The following HIVEP3 variants were observed in gnomAD, a reference collection of about 807,000 sequenced individuals.
The protein encoded by HIVEP3 is transcription factor HIVEP3.
A neutral mutation model predicts 152.8 loss-of-function variants in HIVEP3; 49 were observed. The observed-to-expected ratio is 0.32, with a 90% CI of 0.26 to 0.41. HIVEP3 has a LOEUF of 0.41. HIVEP3 is among the 10% of genes least tolerant of loss of function. The pLI, the probability that HIVEP3 is intolerant of heterozygous loss-of-function variation, is 1.00. For missense variants in HIVEP3, 2,790 were observed against 3,103.3 expected, an observed-to-expected ratio of 0.90 and a Z score of 2.40; for synonymous variants, 1,269 against 1,289.0, an observed-to-expected ratio of 0.98 and a Z score of 0.33.
intron 2 of HIVEP3, among the ~76,000 whole-genome samples, chr1:41,672,514 C>G (rs1419448657): frequency 6.6e-6 from 1 of 152,244 alleles, no homozygotes; most frequent in Non-Finnish European, 1.5e-5. Context: ...AAGCCCTGTT[C>G]TCTGAGCTAA....
intron 1 of HIVEP3, among the ~76,000 whole-genome samples, chr1:41,924,872 T>C (rs1644960158): frequency 6.6e-6 from 1 of 152,194 alleles, no homozygotes; most frequent in African/African-American, 2.4e-5. Context: ...CTGAAGCCAT[T>C]GATCAGGTCA....
intron 2 of HIVEP3, among the ~76,000 whole-genome samples, chr1:41,669,785 G>A (rs770907926): frequency 2.2e-4 from 34 of 152,206 alleles, no homozygotes; most frequent in Admixed American, 5.2e-4. Flanking sequence ...GCTGACAGCA[G>A]ATCATAGGAC....
chr1:41,641,932 C>T lies in HIVEP3; in HGVS notation c.-720-12985G>A, dbSNP rs181563713. ...CTCTGAGTTATTGACATGACATCTC[C>T]GGGCCTCCGTGAACTATCATTTGTA... On this transcript the variant is annotated intron_variant, in intron 2 of 8. Coordinates refer to ENST00000372583, the MANE Select transcript of HIVEP3 (RefSeq NM_024503.5). Among the ~76,000 whole-genome samples the T allele has an allele frequency of 7.2e-5, 11 of 152,340 alleles. No individual in the cohort carries two copies. The South Asian group carries it at 8.3e-4, about 11-fold the overall frequency.
chr1:41,788,461 G>A (rs1649497951), intron 1 of HIVEP3, among the ~76,000 whole-genome samples: 1 of 152,232 alleles, frequency 6.6e-6, no homozygotes, highest in Non-Finnish European at 1.5e-5. Context: ...GAGCCCCAGG[G>A]AAGGAAGGAG....
intron 2 of HIVEP3, among the ~76,000 whole-genome samples, chr1:41,684,902 G>C (rs1197262513): frequency 1.3e-5 from 2 of 152,154 alleles, no homozygotes; most frequent in Non-Finnish European, 2.9e-5. Context: ...ACGTGAACCT[G>C]GTTCTGTCTG....
chr1:41,903,054 A>G (rs1445667358), intron 1 of HIVEP3, among the ~76,000 whole-genome samples: 2 of 152,246 alleles, frequency 1.3e-5, no homozygotes, highest in Non-Finnish European at 2.9e-5. Flanking sequence ...TTATTATCAC[A>G]GTACTGTGAT....
Position 42,025,932 on chromosome 1 carries a change from G to A in HIVEP3, n.119+9875C>T, listed in dbSNP as rs149684147. Reference sequence around the variant, plus strand: ...AAAAAATATAAAAAATTAGCCGGGCGTGGTGGTGTGTGCCTATAGTCCCAG... The same window carrying A: ...AAAAAATATAAAAAATTAGCCGGGCATGGTGGTGTGTGCCTATAGTCCCAG... On this transcript the variant is annotated intron_variant and non_coding_transcript_variant, in intron 1 of 3. Transcript: ENST00000489103. Among the ~76,000 whole-genome samples the A allele has an allele frequency of 7.5e-3, 1,148 of 152,106 alleles. 13 individuals are homozygous for A. Among genetic ancestry groups the A allele is most frequent in the African/African-American group, 0.027 (1,108 of 41,472 alleles).
chr1:41,665,795 G>C (rs1347804704), intron 2 of HIVEP3, among the ~76,000 whole-genome samples: 2 of 150,436 alleles, frequency 1.3e-5, no homozygotes, highest in African/African-American at 4.9e-5. Flanking sequence ...CAAGCTAAAA[G>C]AGATTAGAGC....
intron 1 of HIVEP3, among the ~76,000 whole-genome samples, chr1:41,787,841 G>A (rs1649453939): frequency 6.6e-6 from 1 of 152,072 alleles, no homozygotes; most frequent in African/African-American, 2.4e-5. Context: ...AGCCTACAAG[G>A]TAATTTTCAA....
At chr1:41,605,367 G>GCA (rs759038416) in intron 3 of HIVEP3, among the ~76,000 whole-genome samples, 4,596 of 111,682 alleles carry the variant, frequency 0.041, 107 homozygotes, top group Admixed American at 0.073. Context: ...ATACACACAC[G>GCA]CACACGCGCA....
chr1:41,980,924 A>G (rs1233129261), intron 1 of HIVEP3, among the ~76,000 whole-genome samples: 1 of 152,066 alleles, frequency 6.6e-6, no homozygotes. Context: ...TCCATGAGGA[A>G]TGTTAGGAGG....
chr1:41,960,007 G>A (rs531876183), intron 1 of HIVEP3, among the ~76,000 whole-genome samples: 1 of 152,248 alleles, frequency 6.6e-6, no homozygotes, highest in South Asian at 2.1e-4. Flanking sequence ...TATGACGGGT[G>A]ACCCACTAGG....
At chr1:41,673,769 G>A (rs1426840788) in intron 2 of HIVEP3, among the ~76,000 whole-genome samples, 1 of 152,188 alleles carries the variant, frequency 6.6e-6, no homozygotes, top group Non-Finnish European at 1.5e-5. Context: ...AGCTAGGGAA[G>A]AAGGGATAAA....
chr1:41,510,068 T>A lies in HIVEP3; in HGVS notation c.*383A>T, dbSNP rs187668968. On this transcript the variant is annotated 3_prime_UTR_variant, in exon 9 of 9. Coordinates refer to ENST00000372583, the MANE Select transcript of HIVEP3 (RefSeq NM_024503.5). ...TAATTCTATATTGTTTGAAGTTTCC[T>A]TTTCCTTTCTCCCTCAGTGTACCCC... 1.2e-5 allele frequency: 2 copies of A among 171,206 alleles called. No individual in the cohort carries two copies. The highest frequency in any genetic ancestry group is 4.7e-5 in the African/African-American group (2 of 42,170). The allele number at this position is 171,206 out of a possible 1,614,324, so 10.6% of individuals were successfully genotyped here.
chr1:41,537,649 C>A (rs1267958540), intron 5 of HIVEP3, among the ~76,000 whole-genome samples: 1 of 152,220 alleles, frequency 6.6e-6, no homozygotes, highest in African/African-American at 2.4e-5. Context: ...ATTCAGTGGC[C>A]AAGAGGTAGT....
At chr1:42,016,119 T>TA (rs1570893571) in intron 1 of HIVEP3, among the ~76,000 whole-genome samples, 1 of 152,376 alleles carries the variant, frequency 6.6e-6, no homozygotes, top group East Asian at 1.9e-4. Flanking sequence ...ATCCCATTTA[T>TA]GCTTTTAAAA....
intron 2 of HIVEP3, among the ~76,000 whole-genome samples, chr1:41,691,172 T>G (rs1434286242): frequency 6.6e-6 from 1 of 152,242 alleles, no homozygotes; most frequent in Non-Finnish European, 1.5e-5. Context: ...TACATAAAAG[T>G]GTTAACTATA....
At chr1:41,613,929 C>T (rs2149134998) in intron 3 of HIVEP3, among the ~76,000 whole-genome samples, 2 of 152,348 alleles carry the variant, frequency 1.3e-5, no homozygotes, top group South Asian at 4.1e-4. Context: ...CCTTTTGTGT[C>T]TGGCTTCTTT....
At position 41,580,967 on chromosome 1, in the gene HIVEP3, G is replaced by C. The variant is rs1644396036; in HGVS notation, c.3831C>G (p.Pro1277=). 3 of 1,601,508 alleles carry C rather than the reference G, an allele frequency of 1.9e-6. No homozygotes were observed. Among genetic ancestry groups the C allele is most frequent in the South Asian group, 1.1e-5 (1 of 88,866 alleles). ...PLATGSAGLS[P]STEYSSDIRL... is the part of the protein sequence containing the mutation. ...GGATGTCACTGCTGTACTCTGTGCT[G>C]GGGGAGAGGCCAGCACTTCCTGTTG... is the stretch of plus-strand genomic sequence containing the variant. The change falls in exon 4 of 9, where the codon CCC becomes CCG. Residue 1277 remains proline, a synonymous_variant. Transcript: ENST00000372583.
Sources: allele counts gnomAD v4.1 joint callset (sites outside exome capture counted in the v4.1 genomes callset), GRCh38; gene constraint gnomAD v4.1.1; transcripts MANE v1.5; gene names NCBI Gene and HGNC (gene_info 2026-07-23, HGNC 2026-07-21).